Variants in PTPN21 observed in about 807,000 individuals in gnomAD.
PTPN21 encodes tyrosine-protein phosphatase non-receptor type 21.
In PTPN21, 77 loss-of-function variants were observed where a neutral mutation model predicts 131.8. The ratio of observed to expected loss-of-function variants is 0.58; its 90% confidence interval spans 0.49 to 0.71. The LOEUF (loss-of-function observed/expected upper bound fraction) is 0.71. Ranked by LOEUF, PTPN21 falls within the 30% of genes least tolerant of loss-of-function variation. The pLI, the probability that PTPN21 is intolerant of heterozygous loss-of-function variation, is 0.00. For synonymous variants in PTPN21, 715 were observed against 621.3 expected (o/e 1.15, Z -2.24); for missense variants, 1,552 against 1,527.1 (o/e 1.02, Z -0.27).
In PTPN21 at chr14:88,494,968, G is replaced by A. The variant is rs151033816; in HGVS notation, c.932+1445C>T. ...GCGGAGGTTGCAGTGAGCCAAGATC[G>A]TGCCACTGCACTCCAGCCTGGGTGA... is the stretch of plus-strand genomic sequence containing the variant. On this transcript the variant is annotated intron_variant, in intron 10 of 18. Transcript: ENST00000556564. Among the ~76,000 whole-genome samples, 176 of 129,524 alleles carry A rather than the reference G, an allele frequency of 1.4e-3. 3 individuals are homozygous for A. In the East Asian group the frequency reaches 0.04, roughly 30 times the overall value. The allele number at this position is 129,524 out of a possible 152,430, so 85.0% of individuals were successfully genotyped here. A position where few individuals can be genotyped will look rare whatever the true frequency, so the allele number is the denominator to read the frequency against.
chr14:88,537,960 A>T (rs554824947), intron 2 of PTPN21, among the ~76,000 whole-genome samples: 46 of 152,368 alleles, frequency 3.0e-4, no homozygotes, highest in African/African-American at 1.1e-3. Flanking sequence ...AAGGTACAGT[A>T]AAAATACAGT....
chr14:88,494,026 GCAAACAAA>G (rs374937965), intron 10 of PTPN21, among the ~76,000 whole-genome samples: 1 of 152,068 alleles, frequency 6.6e-6, no homozygotes, highest in Non-Finnish European at 1.5e-5. Context: ...GGGGATACAG[GCAAACAAA>G]CAAACAAACA....
At chr14:88,553,972 T>A (rs1393411374) in intron 1 of PTPN21, among the ~76,000 whole-genome samples, 3 of 152,118 alleles carry the variant, frequency 2.0e-5, no homozygotes, top group Non-Finnish European at 4.4e-5. Context: ...CAGAATAAAA[T>A]GCCCTAGAAA....
chr14:88,474,136 A>G (rs1307597509), intron 13 of PTPN21, among the ~76,000 whole-genome samples: 1 of 142,526 alleles, frequency 7.0e-6, no homozygotes, highest in Non-Finnish European at 1.5e-5. Context: ...AAGTCCAAAA[A>G]AAAAAAAAAA....
chr14:88,511,120 T>G (rs541591416), intron 3 of PTPN21, among the ~76,000 whole-genome samples: 6 of 152,152 alleles, frequency 3.9e-5, no homozygotes, highest in Admixed American at 1.3e-4. Context: ...CTCTCTATGT[T>G]GCCTGGGCTG....
chr14:88,534,682 T>C (rs904658917), intron 2 of PTPN21, among the ~76,000 whole-genome samples: 1 of 152,062 alleles, frequency 6.6e-6, no homozygotes, highest in African/African-American at 2.4e-5. Context: ...AAGACAAGCC[T>C]GGCCAACATG....
Position 88,479,978 on chromosome 14 carries a change from T to C in PTPN21, c.1453A>G (p.Arg485Gly). 1 of 1,610,804 alleles carries C rather than the reference T, an allele frequency of 6.2e-7. No homozygotes were observed. The highest frequency in any genetic ancestry group is 8.5e-7 in the Non-Finnish European group (1 of 1,180,012). Residue 485 changes from arginine (R) to glycine (G), a missense_variant, in exon 13 of 19, where the codon AGG (arginine) becomes GGG (glycine). Physicochemically the swap from Arg to Gly is moderately radical, Grantham distance 125 (BLOSUM62 -2). Transcript: ENST00000556564. ...TGGCTGTAGACCAGCGCCGCGGGCCTGCTGTAGGCGTACGAGCTGCCGATG... is the reference window on the plus strand; with the variant it reads ...TGGCTGTAGACCAGCGCCGCGGGCCCGCTGTAGGCGTACGAGCTGCCGATG... ...LNIGSSYAYS[R>G]PAALVYSQPE...
chr14:88,504,739 G>C (rs184834350), intron 5 of PTPN21, among the ~76,000 whole-genome samples: 4 of 151,684 alleles, frequency 2.6e-5, no homozygotes, highest in Non-Finnish European at 5.9e-5. Context: ...GCTGAGTTAT[G>C]TCAAGTTGGT....
chr14:88,493,094 C>A (rs2077849157), intron 10 of PTPN21: 1 of 456,502 alleles, frequency 2.2e-6, no homozygotes, highest in Admixed American at 2.4e-5. Context: ...CAAGACATTT[C>A]ACTTCTGTAA....
At chr14:88,491,403 C>T (rs1412007857) in intron 10 of PTPN21, among the ~76,000 whole-genome samples, 1 of 152,188 alleles carries the variant, frequency 6.6e-6, no homozygotes, top group Admixed American at 6.5e-5. Flanking sequence ...CCTGGGCCAC[C>T]AGTCACCCCA....
chr14:88,479,756 G>A lies in PTPN21; in HGVS notation c.1675C>T (p.Arg559Trp), dbSNP rs752768310. ...AQDYPSPNIM[R>W]TQVYRPPPPY... ...GGGGGTGGCCGGTACACCTGCGTCC[G>A]CATGATGTTGGGAGACGGGTAGTCC... Residue 559 changes from arginine to tryptophan, a missense_variant, in exon 13 of 19, where the codon CGG (arginine) becomes TGG (tryptophan). Arg to Trp is a moderately radical substitution (Grantham distance 101). Around this residue, in one of 4 missense-constraint regions of PTPN21, gnomAD observed 1,016 missense variants for 883.5 expected, o/e 1.15. Transcript: ENST00000556564. 124 of 1,543,088 alleles carry A rather than the reference G, an allele frequency of 8.0e-5. No individual in the cohort carries two copies. Among genetic ancestry groups the A allele is most frequent in the Admixed American group, 2.6e-4 (14 of 54,152 alleles).
At chr14:88,488,904 T>C (rs1413309995) in intron 10 of PTPN21, among the ~76,000 whole-genome samples, 5 of 152,242 alleles carry the variant, frequency 3.3e-5, no homozygotes, top group Non-Finnish European at 7.3e-5. Flanking sequence ...CTAAGGACTG[T>C]ACATGATTAT....
rs201100851 is a variant in PTPN21 at position 88,550,346 on chromosome 14, A to G, written c.72T>C (p.Val24=). ...RYTVSSKSCL[V]ARIQLLNNEF... ...CGTTATTAAGCAGTTGGATCCGGGC[A>G]ACCAGGCAACTCTTGCTGGACACCG... is the stretch of plus-strand genomic sequence containing the variant. The change falls in exon 2 of 19, where the codon GTT becomes GTC. Residue 24 remains valine (V), a synonymous_variant. Transcript: ENST00000556564. 6.8e-6 allele frequency: 11 copies of G among 1,614,230 alleles called. No individual in the cohort carries two copies. Among genetic ancestry groups the G allele is most frequent in the Middle Eastern group, 1.6e-4 (1 of 6,062 alleles).
chr14:88,539,528 A>T (rs1479036790), intron 2 of PTPN21, among the ~76,000 whole-genome samples: 1 of 151,972 alleles, frequency 6.6e-6, no homozygotes, highest in Non-Finnish European at 1.5e-5. Flanking sequence ...GATTACAGAC[A>T]TGAGCCACCA....
At chr14:88,476,732 T>C (rs2077552990) in intron 13 of PTPN21, among the ~76,000 whole-genome samples, 1 of 152,190 alleles carries the variant, frequency 6.6e-6, no homozygotes, top group Non-Finnish European at 1.5e-5. Flanking sequence ...CGTTCTTAAC[T>C]TGTAGGACCT....
intron 3 of PTPN21, among the ~76,000 whole-genome samples, chr14:88,508,503 T>A (rs1444444919): frequency 6.6e-6 from 1 of 152,138 alleles, no homozygotes; most frequent in Admixed American, 6.6e-5. Flanking sequence ...CACTTACACA[T>A]ATTAAAGTAT....
intron 2 of PTPN21, among the ~76,000 whole-genome samples, chr14:88,543,346 C>T (rs1418774902): frequency 6.6e-6 from 1 of 152,162 alleles, no homozygotes; most frequent in Non-Finnish European, 1.5e-5. Context: ...GCCACTACAA[C>T]TAGATCACTT....
In PTPN21 at chr14:88,479,595, G is replaced by T. The variant is rs767884403; in HGVS notation, c.1836C>A (p.Pro612=). Residue 612 remains proline, a synonymous_variant, in exon 13 of 19, where the codon CCC becomes CCA. Coordinates refer to ENST00000556564, the MANE Select transcript of PTPN21 (RefSeq NM_007039.4). ...SVQTFQEDSL[P]VAHSLQEVSE... The stretch of plus-strand genomic sequence containing the variant: ...TGACCTCCTGCAGCGAGTGCGCCAC[G>T]GGCAGGCTGTCCTCCTGGAACGTTT... The T allele has an allele frequency of 1.9e-6, 3 of 1,588,344 alleles. No individual in the cohort carries two copies. Among genetic ancestry groups the T allele is most frequent in the Admixed American group, 3.5e-5 (2 of 57,626 alleles).
chr14:88,531,240 G>A (rs1006341143), intron 2 of PTPN21, among the ~76,000 whole-genome samples: 3 of 152,178 alleles, frequency 2.0e-5, no homozygotes, highest in Non-Finnish European at 4.4e-5. Flanking sequence ...TGAACTGAAT[G>A]ATAATAGTGA....
Sources: allele counts gnomAD v4.1 joint callset (sites outside exome capture counted in the v4.1 genomes callset), GRCh38; gene constraint gnomAD v4.1.1; regional missense constraint gnomAD v4.1.1; transcripts MANE v1.5; gene names NCBI Gene and HGNC (gene_info 2026-07-23, HGNC 2026-07-21).